BTBD7: variants seen among roughly 807,000 people sequenced by gnomAD.
BTBD7 encodes the protein BTB/POZ domain-containing protein 7.
Under a neutral mutation model 99.9 loss-of-function variants are expected in BTBD7, and 38 were observed. The ratio of observed to expected loss-of-function variants is 0.38; its 90% CI spans 0.29 to 0.50. BTBD7 has a LOEUF of 0.50. BTBD7 is among the 20% of genes least tolerant of loss of function. The pLI is 0.93. For synonymous variants in BTBD7, 520 were observed against 511.4 expected (o/e 1.02, Z -0.23); for missense variants, 1,170 against 1,394.6 (o/e 0.84, Z 2.57).
At chr14:93,327,476 T>C (rs2053346540) in intron 1 of BTBD7, among the ~76,000 whole-genome samples, 1 of 152,208 alleles carries the variant, frequency 6.6e-6, no homozygotes, top group Non-Finnish European at 1.5e-5. Context: ...GCCTAAAACA[T>C]CAACTTCATG....
At position 93,332,935 on chromosome 14, in the gene BTBD7, C is replaced by G. The variant is rs962259283; in HGVS notation, c.-222G>C. On this transcript the variant is annotated 5_prime_UTR_variant, in exon 1 of 11. Coordinates refer to ENST00000334746, the MANE Select transcript of BTBD7 (RefSeq NM_001002860.4). ...CGCCAGCACCCCCGGCCATCCTCCT[C>G]CCACCGCCGCCGCCGCCGCCCTCTC... is the stretch of plus-strand genomic sequence containing the variant. The G allele has an allele frequency of 2.2e-6, 2 of 916,420 alleles. No homozygotes were observed. The highest frequency in any genetic ancestry group is 1.9e-5 in the South Asian group (1 of 53,386). 56.8% of individuals were successfully genotyped at this position (916,420 alleles called of 1,614,324 possible). A position where few individuals can be genotyped will look rare whatever the true frequency, so the allele number is the denominator to read the frequency against.
Position 93,238,277 on chromosome 14 carries a change from G to A in BTBD7, c.*3996C>T, listed in dbSNP as rs577370495. 6.6e-6 allele frequency: 1 copy of A among 152,582 alleles called. No homozygotes were observed. The highest frequency in any genetic ancestry group is 2.1e-4 in the South Asian group (1 of 4,820). The allele number at this position is 152,582 out of a possible 1,614,324, so 9.5% of individuals were successfully genotyped here. A position where few individuals can be genotyped will look rare whatever the true frequency, so the allele number is the denominator to read the frequency against. On this transcript the variant is annotated 3_prime_UTR_variant, in exon 11 of 11. Transcript: ENST00000334746. ...AGAGGAAAAAAAAATCAAAGGACTT[G>A]CCAAAAGGATAACTACATAACAGAT...
At chr14:93,315,929 T>A (rs2053198277) in intron 1 of BTBD7, among the ~76,000 whole-genome samples, 1 of 151,374 alleles carries the variant, frequency 6.6e-6, no homozygotes, top group Non-Finnish European at 1.5e-5. Flanking sequence ...CTCTTAAGTA[T>A]ATGCCTAGGA....
At chr14:93,247,371 G>A (rs912380054) in intron 9 of BTBD7, among the ~76,000 whole-genome samples, 4 of 137,640 alleles carry the variant, frequency 2.9e-5, no homozygotes, top group Admixed American at 7.3e-5. Flanking sequence ...TTTTTGAGAC[G>A]GAGTCTTGCT....
intron 3 of BTBD7, among the ~76,000 whole-genome samples, chr14:93,282,055 G>A (rs1046845407): frequency 6.6e-6 from 1 of 152,142 alleles, no homozygotes; most frequent in Non-Finnish European, 1.5e-5. Flanking sequence ...TGTTGAAATA[G>A]CCTTGGAGAG....
chr14:93,292,774 A>T (rs1261624587), intron 3 of BTBD7, among the ~76,000 whole-genome samples: 3 of 152,150 alleles, frequency 2.0e-5, no homozygotes, highest in Non-Finnish European at 4.4e-5. Flanking sequence ...TTCCTGCCTC[A>T]GCCTCCCAAG....
At position 93,242,588 on chromosome 14, in the gene BTBD7, A is replaced by G. The variant is rs1228369882; in HGVS notation, c.3084T>C (p.Asp1028=). 1 of 1,614,202 alleles carries G rather than the reference A, an allele frequency of 6.2e-7. No individual in the cohort carries two copies. The highest frequency in any genetic ancestry group is 8.5e-7 in the Non-Finnish European group (1 of 1,180,036). Residue 1028 remains aspartate (D), a synonymous_variant, in exon 11 of 11, where the codon GAT becomes GAC. Transcript: ENST00000334746. The part of the protein sequence containing the change: ...HRQKNEPIHL[D]VVEQPPQRSD... ...ACCGCTGGGGAGGTTGCTCAACGAC[A>G]TCCAGGTGTATCGGCTCATTCTTTT...
chr14:93,292,731 A>C (rs2052873371), intron 3 of BTBD7, among the ~76,000 whole-genome samples: 1 of 152,144 alleles, frequency 6.6e-6, no homozygotes, highest in Admixed American at 6.5e-5. Context: ...ATCACAGCTC[A>C]CTGCAGCCCT....
intron 3 of BTBD7, among the ~76,000 whole-genome samples, chr14:93,281,065 C>T (rs2052713812): frequency 2.6e-5 from 4 of 152,052 alleles, no homozygotes; most frequent in African/African-American, 7.2e-5. Flanking sequence ...TGCAGTGGCA[C>T]AACCTTGGCT....
intron 1 of BTBD7, among the ~76,000 whole-genome samples, chr14:93,301,845 C>CA (rs2053008542): frequency 6.6e-6 from 1 of 152,226 alleles, no homozygotes; most frequent in Non-Finnish European, 1.5e-5. Context: ...AAGGGACAGA[C>CA]AGATTTCCCA....
chr14:93,288,360 A>AG (rs1396421887), intron 3 of BTBD7: 25 of 611,244 alleles, frequency 4.1e-5, no homozygotes, highest in Non-Finnish European at 4.6e-5. Context: ...TACTTTCTAG[A>AG]TTTCCTCAAC....
At chr14:93,311,575 T>C (rs922142369) in intron 1 of BTBD7, among the ~76,000 whole-genome samples, 1 of 152,188 alleles carries the variant, frequency 6.6e-6, no homozygotes, top group African/African-American at 2.4e-5. Flanking sequence ...TTCAGGTTTA[T>C]AGGGTTTTTA....
At chr14:93,258,194 T>A (rs1369487213) in intron 5 of BTBD7, among the ~76,000 whole-genome samples, 1 of 151,196 alleles carries the variant, frequency 6.6e-6, no homozygotes, top group East Asian at 1.9e-4. Flanking sequence ...GGTATCTTCC[T>A]TAAATCGTGT....
intron 1 of BTBD7, among the ~76,000 whole-genome samples, chr14:93,298,763 G>A (rs1435212803): frequency 6.6e-6 from 1 of 152,032 alleles, no homozygotes; most frequent in African/African-American, 2.4e-5. Context: ...TCTATTTTAC[G>A]ATGAGCACAA....
At chr14:93,280,304 G>A (rs2052704021) in intron 3 of BTBD7, among the ~76,000 whole-genome samples, 2 of 152,056 alleles carry the variant, frequency 1.3e-5, no homozygotes, top group African/African-American at 2.4e-5. Context: ...TTACTGAATC[G>A]GTTTCAAAAT....
chr14:93,290,685 A>T (rs192739580), intron 3 of BTBD7, among the ~76,000 whole-genome samples: 4 of 144,364 alleles, frequency 2.8e-5, no homozygotes, highest in African/African-American at 1.0e-4. Flanking sequence ...ACCCAGCTAA[A>T]TTTTTTTGTA....
chr14:93,320,258 C>A (rs985072771), intron 1 of BTBD7, among the ~76,000 whole-genome samples: 6 of 152,134 alleles, frequency 3.9e-5, no homozygotes, highest in African/African-American at 1.4e-4. Flanking sequence ...TGATTGTTCT[C>A]CCCTTCCACC....
At chr14:93,324,012 A>T (rs1307633828) in intron 1 of BTBD7, among the ~76,000 whole-genome samples, 1 of 152,260 alleles carries the variant, frequency 6.6e-6, no homozygotes, top group East Asian at 1.9e-4. Context: ...CAATTATAAT[A>T]CAGGGCAATA....
At chr14:93,251,855 C>A (rs182276462) in intron 7 of BTBD7, among the ~76,000 whole-genome samples, 1 of 152,234 alleles carries the variant, frequency 6.6e-6, no homozygotes, top group East Asian at 1.9e-4. Flanking sequence ...AAAGACACAA[C>A]CATCTTTTGA....
Sources: gnomAD v4.1 joint callset for allele counts (sites outside exome capture counted in the v4.1 genomes callset) on GRCh38, gnomAD v4.1.1 for gene constraint, MANE v1.5 for transcripts, NCBI Gene and HGNC (gene_info 2026-07-23, HGNC 2026-07-21) for gene names.